Variants in KHDRBS2 observed in about 807,000 individuals in gnomAD.
KHDRBS2 encodes the protein KH domain-containing, RNA-binding, signal transduction-associated protein 2.
KHDRBS2 carries 26 observed loss-of-function variants against 44.3 expected under a neutral mutation model. The observed-to-expected ratio is 0.59, with a 90% CI of 0.43 to 0.81. The LOEUF is 0.81. KHDRBS2 is among the 40% of genes least tolerant of loss of function. KHDRBS2 has a pLI of 0.00. For missense variants in KHDRBS2, 476 were observed against 433.1 expected (o/e 1.10, Z -0.88); for synonymous variants, 194 against 151.1 (o/e 1.28, Z -2.08).
At position 62,047,960 on chromosome 6, in the gene KHDRBS2, C is replaced by G. The variant is rs772921509; in HGVS notation, c.254G>C (p.Gly85Ala). 1 of 1,610,976 alleles carries G rather than the reference C, an allele frequency of 6.2e-7. No homozygotes were observed. The highest frequency in any genetic ancestry group is 8.5e-7 in the Non-Finnish European group (1 of 1,177,578). ...NFVGKLLGPR[G>A]NSLKRLQEET... ...TTCCTGTAGCCTCTTCAAGGAGTTT[C>G]CTCTTGGTCCAAGCAATTTCCCCAC... Residue 85 changes from glycine to alanine, a missense_variant, in exon 3 of 9, where the codon GGA becomes GCA. Physicochemically the swap from Gly to Ala is moderately conservative, Grantham distance 60 (BLOSUM62 0). Transcript: ENST00000281156.
At chr6:61,655,225 TAC>T in the KHDRBS2 span, among the ~76,000 whole-genome samples, 10,905 of 145,162 alleles carry the variant, frequency 0.075, 390 homozygotes, top group Middle Eastern at 0.085. Flanking sequence ...CATACATACA[TAC>T]ACACACACAC....
In KHDRBS2 at chr6:61,680,105, A is replaced by T. The variant is rs1310276143; in HGVS notation, c.*858T>A. ...AACCATAAGTTATTAATACATTTTT[A>T]AGTATTACACAAATATCTTAAAACA... On this transcript the variant is annotated 3_prime_UTR_variant, in exon 9 of 9. Coordinates refer to ENST00000281156, the MANE Select transcript of KHDRBS2 (RefSeq NM_152688.4). 2.0e-5 allele frequency: 3 copies of T among 152,392 alleles called. No individual in the cohort carries two copies. The highest frequency in any genetic ancestry group is 7.2e-5 in the African/African-American group (3 of 41,442). The allele number at this position is 152,392 out of a possible 1,614,324, so 9.4% of individuals were successfully genotyped here. A position where few individuals can be genotyped will look rare whatever the true frequency, so the allele number is the denominator to read the frequency against.
At chr6:62,056,127 G>A (rs186258982) in intron 2 of KHDRBS2, among the ~76,000 whole-genome samples, 1 of 151,896 alleles carries the variant, frequency 6.6e-6, no homozygotes, top group East Asian at 2.0e-4. Context: ...CTTGAATTGT[G>A]GGTTATAACT....
At chr6:62,069,463 G>T (rs1171873764) in intron 2 of KHDRBS2, among the ~76,000 whole-genome samples, 1 of 151,572 alleles carries the variant, frequency 6.6e-6, no homozygotes, top group Non-Finnish European at 1.5e-5. Flanking sequence ...TTTTTTTCTT[G>T]TAATATCATG....
At chr6:61,954,150 A>C (rs1656674675) in intron 4 of KHDRBS2, among the ~76,000 whole-genome samples, 1 of 152,010 alleles carries the variant, frequency 6.6e-6, no homozygotes, top group Non-Finnish European at 1.5e-5. Flanking sequence ...CTTCAGTAGT[A>C]TGTCATTGTT....
chr6:62,136,611 T>C (rs143563469), intron 2 of KHDRBS2, among the ~76,000 whole-genome samples: 129 of 152,354 alleles, frequency 8.5e-4, no homozygotes, highest in Admixed American at 2.9e-3. Flanking sequence ...ATGTTATGGT[T>C]TGTATTTTTC....
chr6:62,263,610 T>G (rs539005141), intron 1 of KHDRBS2, among the ~76,000 whole-genome samples: 4 of 151,860 alleles, frequency 2.6e-5, no homozygotes, highest in African/African-American at 9.6e-5. Context: ...TTTCTTAACT[T>G]TGTAACAGGA....
At chr6:61,969,976 C>T (rs1046643651) in intron 4 of KHDRBS2, among the ~76,000 whole-genome samples, 2 of 151,350 alleles carry the variant, frequency 1.3e-5, no homozygotes, top group East Asian at 3.9e-4. Context: ...GAAGTCAAGC[C>T]CTAAAATTCT....
chr6:61,728,707 G>T (rs562724660), intron 7 of KHDRBS2, among the ~76,000 whole-genome samples: 1 of 152,106 alleles, frequency 6.6e-6, no homozygotes, highest in Admixed American at 6.6e-5. Flanking sequence ...TTCAAATGTA[G>T]GTAGATGTAT....
At chr6:61,642,101 C>A in the KHDRBS2 span, among the ~76,000 whole-genome samples, 1 of 152,198 alleles carries the variant, frequency 6.6e-6, no homozygotes, top group South Asian at 2.1e-4. Flanking sequence ...ATGAGGGACA[C>A]CTCAAACTAA....
At chr6:61,564,812 A>G in the KHDRBS2 span, among the ~76,000 whole-genome samples, 1 of 152,094 alleles carries the variant, frequency 6.6e-6, no homozygotes, top group Non-Finnish European at 1.5e-5. Context: ...TAGACAAAAA[A>G]AGGTCCCATT....
intron 4 of KHDRBS2, among the ~76,000 whole-genome samples, chr6:61,972,229 C>T (rs969268527): frequency 6.6e-6 from 1 of 152,106 alleles, no homozygotes; most frequent in African/African-American, 2.4e-5. Flanking sequence ...AGCAATGATA[C>T]AGTAGTCCTG....
chr6:62,020,539 G>A (rs1251587848), intron 3 of KHDRBS2, among the ~76,000 whole-genome samples: 2 of 151,784 alleles, frequency 1.3e-5, no homozygotes. Flanking sequence ...ACTGATGGAG[G>A]GCATTTCTCA....
At chr6:62,002,377 T>C (rs983308698) in intron 3 of KHDRBS2, among the ~76,000 whole-genome samples, 5 of 151,940 alleles carry the variant, frequency 3.3e-5, no homozygotes, top group Non-Finnish European at 5.9e-5. Context: ...GTGCATCAGC[T>C]AGTATTGGGA....
chr6:62,179,363 A>AT (rs1434002144), intron 1 of KHDRBS2, among the ~76,000 whole-genome samples: 2 of 151,734 alleles, frequency 1.3e-5, no homozygotes, highest in African/African-American at 4.8e-5. Context: ...AGATTCCTAT[A>AT]TTCTACATGG....
At chr6:61,861,662 T>TC (rs1306469432) in intron 6 of KHDRBS2, among the ~76,000 whole-genome samples, 2 of 69,016 alleles carry the variant, frequency 2.9e-5, no homozygotes, top group African/African-American at 7.3e-5. Context: ...CCAGTTTTGT[T>TC]TTTTTTTTTC....
chr6:62,273,717 TTCTCCAGACCCAAC>T (rs1433326693), intron 1 of KHDRBS2, among the ~76,000 whole-genome samples: 2 of 152,086 alleles, frequency 1.3e-5, no homozygotes, highest in African/African-American at 4.8e-5. Context: ...AGCACCATCT[TTCTCCAGACCCAAC>T]TCTCCACCTG....
intron 1 of KHDRBS2, among the ~76,000 whole-genome samples, chr6:62,232,269 G>A (rs176617): frequency 0.19 from 28,184 of 151,982 alleles, 3,028 homozygotes; most frequent in African/African-American, 0.31. Flanking sequence ...GCTGAGATCT[G>A]TATTCTCATT....
chr6:62,257,323 T>C (rs1837550306), intron 1 of KHDRBS2, among the ~76,000 whole-genome samples: 1 of 152,062 alleles, frequency 6.6e-6, no homozygotes, highest in Non-Finnish European at 1.5e-5. Context: ...CACTGCAATA[T>C]TGACTAGCAC....
Sources: allele counts gnomAD v4.1 joint callset (sites outside exome capture counted in the v4.1 genomes callset), GRCh38; gene constraint gnomAD v4.1.1; transcripts MANE v1.5; gene names NCBI Gene and HGNC (gene_info 2026-07-23, HGNC 2026-07-21).